The following CRB1 variants were observed in gnomAD, a reference collection of about 807,000 sequenced individuals.
The protein encoded by CRB1 is protein crumbs homolog 1.
In CRB1, 83 loss-of-function variants were observed where a neutral mutation model predicts 120.0. The observed-to-expected ratio is 0.69, with a 90% confidence interval of 0.58 to 0.83. CRB1 has a LOEUF of 0.83. CRB1 is among the 40% of genes least tolerant of loss of function. The pLI is 0.00. For synonymous variants in CRB1, 625 were observed against 612.5 expected (o/e 1.02, Z -0.30); for missense variants, 1,699 against 1,687.6 (o/e 1.01, Z -0.12).
At chr1:197,260,858 A>G in the CRB1 span, among the ~76,000 whole-genome samples, 2 of 152,026 alleles carry the variant, frequency 1.3e-5, no homozygotes, top group African/African-American at 4.8e-5. Flanking sequence ...GACCACGCCC[A>G]ACTAATTTTT....
intron 1 of CRB1, among the ~76,000 whole-genome samples, chr1:197,269,556 A>G (rs751399040): frequency 3.9e-5 from 6 of 152,144 alleles, no homozygotes; most frequent in Non-Finnish European, 8.8e-5. Flanking sequence ...GTTGTTATTT[A>G]AATAGTTATT....
At chr1:197,325,560 G>A (rs1658445898) in intron 1 of CRB1, among the ~76,000 whole-genome samples, 2 of 152,020 alleles carry the variant, frequency 1.3e-5, no homozygotes, top group Non-Finnish European at 2.9e-5. Flanking sequence ...AAAAAACTGT[G>A]CCTTTACACG....
At chr1:197,206,346 A>AT in the CRB1 span, among the ~76,000 whole-genome samples, 1 of 151,964 alleles carries the variant, frequency 6.6e-6, no homozygotes, top group Non-Finnish European at 1.5e-5. Flanking sequence ...GTGACCATAG[A>AT]TTGTCTATTT....
At chr1:197,411,701 ATTCATGTAAATTATTAAGG>A (rs1234310143) in intron 5 of CRB1, among the ~76,000 whole-genome samples, 1 of 152,112 alleles carries the variant, frequency 6.6e-6, no homozygotes, top group Non-Finnish European at 1.5e-5. Flanking sequence ...ATTTACATGT[ATTCATGTAAATTATTAAGG>A]TTTGTGTATA....
rs963322947 is a variant in CRB1 at position 197,414,915 on chromosome 1, G to A, written c.1172-6085G>A. ...TTTAAGTGAAGTAAAAGCATAAATC[G>A]CTGTTTATCATTCTACTTTTCATAC... On this transcript the variant is annotated intron_variant, in intron 5 of 11. Coordinates refer to ENST00000367400, the MANE Select transcript of CRB1 (RefSeq NM_201253.3). 5.3e-5 allele frequency among the ~76,000 whole-genome samples: 8 copies of A among 152,170 alleles called. 1 individual carries two copies. In the South Asian group the frequency reaches 1.0e-3, roughly 20 times the overall value.
the CRB1 span, among the ~76,000 whole-genome samples, chr1:197,216,836 ACTC>A: frequency 6.6e-6 from 1 of 152,064 alleles, no homozygotes; most frequent in Admixed American, 6.5e-5. Context: ...AGAAACATTT[ACTC>A]TATGATCTTC....
intron 5 of CRB1, among the ~76,000 whole-genome samples, chr1:197,390,398 G>A (rs1024764261): frequency 1.2e-4 from 19 of 152,092 alleles, no homozygotes; most frequent in Non-Finnish European, 2.5e-4. Context: ...CCAGCAGTGG[G>A]AAGGGTGCTT....
At chr1:197,269,173 T>C (rs1171899372) in intron 1 of CRB1, among the ~76,000 whole-genome samples, 1 of 152,232 alleles carries the variant, frequency 6.6e-6, no homozygotes, top group Non-Finnish European at 1.5e-5. Context: ...ACAGTAGCTA[T>C]TCAACACGTT....
chr1:197,382,522 A>G (rs1047420312), intron 5 of CRB1, among the ~76,000 whole-genome samples: 2 of 152,210 alleles, frequency 1.3e-5, no homozygotes, highest in South Asian at 2.1e-4. Flanking sequence ...CTCAGAAAAT[A>G]TACTATAATA....
chr1:197,272,233 T>C lies in CRB1; in HGVS notation c.70+3751T>C, dbSNP rs115591865. On this transcript the variant is annotated intron_variant, in intron 1 of 11. Transcript: ENST00000367400. The stretch of plus-strand genomic sequence containing the variant: ...TTGATCGTTACTGTGCAAGTTAATA[T>C]CCTTGCAGTGGCATTTTGTAAAGTG... 5.4e-3 allele frequency among the ~76,000 whole-genome samples: 822 copies of C among 152,264 alleles called. 10 individuals are homozygous for C. Among genetic ancestry groups the C allele is most frequent in the African/African-American group, 0.019 (788 of 41,574 alleles).
chr1:197,202,286 A>T, the CRB1 span, among the ~76,000 whole-genome samples: 2 of 152,144 alleles, frequency 1.3e-5, no homozygotes, highest in African/African-American at 2.4e-5. Context: ...TTTTCTTGGG[A>T]ATTGAAAAAA....
Position 197,307,773 on chromosome 1 carries a change from G to A in CRB1, c.71-20649G>A, listed in dbSNP as rs193266026. Among the ~76,000 whole-genome samples, 139 of 152,326 alleles carry A rather than the reference G, an allele frequency of 9.1e-4. 1 individual carries two copies. The East Asian group carries it at 0.017, about 18-fold the overall frequency. On this transcript the variant is annotated intron_variant, in intron 1 of 11. Transcript: ENST00000367400. Reference sequence around the variant, plus strand: ...ACGATGCAGTAGGTCAGAGCCCCAAGGCTCACAGCAGGCTCTTGTCCATTG... The same window carrying A: ...ACGATGCAGTAGGTCAGAGCCCCAAAGCTCACAGCAGGCTCTTGTCCATTG...
chr1:197,251,021 C>T, the CRB1 span, among the ~76,000 whole-genome samples: 1 of 151,926 alleles, frequency 6.6e-6, no homozygotes, highest in African/African-American at 2.4e-5. Flanking sequence ...GTAGTTATAG[C>T]CATTTTTTAT....
intron 5 of CRB1, among the ~76,000 whole-genome samples, chr1:197,367,509 A>T (rs558981706): frequency 1.3e-5 from 2 of 152,348 alleles, no homozygotes; most frequent in South Asian, 4.1e-4. Context: ...AACTTTTACA[A>T]GGATCTCATG....
chr1:197,434,232 G>A (rs1165685713), intron 8 of CRB1, among the ~76,000 whole-genome samples: 1 of 152,122 alleles, frequency 6.6e-6, no homozygotes, highest in African/African-American at 2.4e-5. Flanking sequence ...TCAGAAGCCA[G>A]ACTCCACTGT....
At chr1:197,202,004 G>A in the CRB1 span, among the ~76,000 whole-genome samples, 1 of 152,182 alleles carries the variant, frequency 6.6e-6, no homozygotes, top group East Asian at 1.9e-4. Context: ...GGATTTCTGA[G>A]TCCCAGGAGG....
At chr1:197,325,882 G>A (rs569489677) in intron 1 of CRB1, among the ~76,000 whole-genome samples, 2 of 152,170 alleles carry the variant, frequency 1.3e-5, no homozygotes, top group East Asian at 1.9e-4. Flanking sequence ...TTTTATCTAC[G>A]CCTCCTTCCT....
the CRB1 span, among the ~76,000 whole-genome samples, chr1:197,245,256 T>G: frequency 6.6e-6 from 1 of 152,058 alleles, no homozygotes; most frequent in Non-Finnish European, 1.5e-5. Flanking sequence ...GACTTTCTAT[T>G]TCTTTAAGAG....
intron 5 of CRB1, among the ~76,000 whole-genome samples, chr1:197,366,352 T>C (rs910824082): frequency 3.3e-5 from 5 of 152,166 alleles, no homozygotes; most frequent in Admixed American, 3.3e-4. Flanking sequence ...ATTTCCATTA[T>C]GTTGAAAAAT....
Sources: allele counts gnomAD v4.1 joint callset (sites outside exome capture counted in the v4.1 genomes callset), GRCh38; gene constraint gnomAD v4.1.1; transcripts MANE v1.5; gene names NCBI Gene and HGNC (gene_info 2026-07-23, HGNC 2026-07-21).